QTGAL: variants seen among roughly 807,000 people sequenced by gnomAD.
The protein encoded by QTGAL is queuosine-tRNA galactosyltransferase.
chr17:83,002,049 A>C, the QTGAL span, among the ~76,000 whole-genome samples: 1 of 126,224 alleles, frequency 7.9e-6, no homozygotes, highest in African/African-American at 3.2e-5. Context: ...GGCGTGAGCC[A>C]CTGCGCCTTT....
chr17:82,969,589 C>G, the QTGAL span, among the ~76,000 whole-genome samples: 1 of 152,220 alleles, frequency 6.6e-6, no homozygotes, highest in African/African-American at 2.4e-5. Context: ...ATTCGAGCCT[C>G]GCCTGAGGCC....
chr17:82,974,890 A>AG, the QTGAL span, among the ~76,000 whole-genome samples: 2 of 152,092 alleles, frequency 1.3e-5, no homozygotes, highest in Non-Finnish European at 2.9e-5. Flanking sequence ...CCATCCTCCC[A>AG]GGGGCCGGAG....
the QTGAL span, among the ~76,000 whole-genome samples, chr17:83,009,432 A>G: frequency 6.6e-6 from 1 of 151,830 alleles, no homozygotes; most frequent in Admixed American, 6.6e-5. Flanking sequence ...TCAAAAAAAA[A>G]AAGTAACTCA....
the QTGAL span, among the ~76,000 whole-genome samples, chr17:83,047,069 C>T: frequency 2.0e-5 from 3 of 152,216 alleles, no homozygotes; most frequent in South Asian, 2.1e-4. Flanking sequence ...GAAGAGCCTG[C>T]GTGCCACCGC....
the QTGAL span, among the ~76,000 whole-genome samples, chr17:83,046,968 A>C: frequency 6.6e-6 from 1 of 152,276 alleles, no homozygotes; most frequent in South Asian, 2.1e-4. Context: ...CGGTTACAAA[A>C]GAGCACGTGG....
the QTGAL span, among the ~76,000 whole-genome samples, chr17:82,995,888 T>C: frequency 1.3e-5 from 2 of 152,008 alleles, no homozygotes; most frequent in Non-Finnish European, 2.9e-5. Context: ...ATAACTAAAA[T>C]AAAATGCCTA....
chr17:83,036,074 C>T, the QTGAL span, among the ~76,000 whole-genome samples: 2 of 152,188 alleles, frequency 1.3e-5, no homozygotes, highest in Non-Finnish European at 2.9e-5. Flanking sequence ...CTGATCCTAA[C>T]AGATACTGTG....
the QTGAL span, among the ~76,000 whole-genome samples, chr17:83,039,980 C>T: frequency 1.2e-3 from 178 of 152,252 alleles, no homozygotes; most frequent in Middle Eastern, 6.8e-3. Context: ...CCAGAGGGAC[C>T]GTAAACCCTC....
the QTGAL span, among the ~76,000 whole-genome samples, chr17:82,986,081 G>A: frequency 1.3e-5 from 2 of 152,198 alleles, no homozygotes; most frequent in African/African-American, 4.8e-5. Context: ...AGGAGCTCAG[G>A]GCGAGGGACT....
chr17:82,954,667 T>G, the QTGAL span, among the ~76,000 whole-genome samples: 1 of 152,330 alleles, frequency 6.6e-6, no homozygotes, highest in South Asian at 2.1e-4. Context: ...AGAGTCTGTA[T>G]AGCCAAGACA....
the QTGAL span, among the ~76,000 whole-genome samples, chr17:83,035,485 T>C: frequency 6.6e-6 from 1 of 152,134 alleles, no homozygotes; most frequent in African/African-American, 2.4e-5. Context: ...CGATGTTCTA[T>C]AAGAAAGCTA....
chr17:82,972,755 C>T, the QTGAL span, among the ~76,000 whole-genome samples: 6 of 120,302 alleles, frequency 5.0e-5, no homozygotes, highest in African/African-American at 8.5e-5. Context: ...TAGAAGGACC[C>T]AGTACTGACC....
chr17:82,958,032 A>G, the QTGAL span, among the ~76,000 whole-genome samples: 2 of 151,660 alleles, frequency 1.3e-5, no homozygotes, highest in African/African-American at 2.4e-5. Flanking sequence ...TGCTCTGCCC[A>G]GCGCCCAGCC....
At chr17:82,954,491 C>T in the QTGAL span, among the ~76,000 whole-genome samples, 3 of 151,302 alleles carry the variant, frequency 2.0e-5, no homozygotes, top group Non-Finnish European at 2.9e-5. Flanking sequence ...AAGTAGGACA[C>T]AAACAAATGG....
chr17:83,036,357 G>A, the QTGAL span, among the ~76,000 whole-genome samples: 9 of 152,196 alleles, frequency 5.9e-5, no homozygotes, highest in Admixed American at 5.9e-4. Flanking sequence ...AGCTGCCCTT[G>A]GGGAAGGGGG....
the QTGAL span, among the ~76,000 whole-genome samples, chr17:82,971,354 C>T: frequency 6.6e-6 from 1 of 152,206 alleles, no homozygotes; most frequent in Admixed American, 6.5e-5. Context: ...CAGGGAGGGG[C>T]TCAGTCAGCA....
the QTGAL span, among the ~76,000 whole-genome samples, chr17:82,983,982 T>C: frequency 7.0e-6 from 1 of 142,938 alleles, no homozygotes; most frequent in South Asian, 2.2e-4. Flanking sequence ...AGAGAGGCCA[T>C]ATGATCACGC....
the QTGAL span, among the ~76,000 whole-genome samples, chr17:82,966,137 A>C: frequency 6.7e-6 from 1 of 150,178 alleles, no homozygotes; most frequent in African/African-American, 2.5e-5. Flanking sequence ...GGCTGACCTC[A>C]AACCCCTGGC....
At chr17:83,006,015 C>G in the QTGAL span, 3 of 1,057,614 alleles carry the variant, frequency 2.8e-6, no homozygotes, top group African/African-American at 3.4e-5. The surrounding 1 kb of genome is among the most constrained non-coding windows in gnomAD (Gnocchi z 5.8). Flanking sequence ...AGAGAGGGCA[C>G]CTGGGCGCGT....
Sources: allele counts gnomAD v4.1 joint callset (sites outside exome capture counted in the v4.1 genomes callset), GRCh38; gene constraint gnomAD v4.1.1; non-coding constraint Gnocchi (gnomAD v3.1); transcripts MANE v1.5; gene names NCBI Gene and HGNC (gene_info 2026-07-23, HGNC 2026-07-21).